Variants in WDPCP observed in about 807,000 individuals in gnomAD.
The protein encoded by WDPCP is WD repeat-containing and planar cell polarity effector protein fritz homolog.
WDPCP carries 71 observed loss-of-function variants against 93.1 expected under a neutral mutation model. The ratio of observed to expected loss-of-function variants is 0.76; its 90% CI spans 0.63 to 0.93. The LOEUF is 0.93. Among genes scored for constraint, WDPCP ranks in the 40% least tolerant of loss-of-function variants. The pLI is 0.00. For missense variants in WDPCP, 844 were observed against 887.4 expected (o/e 0.95, Z 0.62); for synonymous variants, 315 against 315.0 (o/e 1.00, Z 0.00).
At chr2:63,809,135 C>T (rs1363135374) in intron 2 of WDPCP, among the ~76,000 whole-genome samples, 4 of 151,162 alleles carry the variant, frequency 2.6e-5, no homozygotes, top group Non-Finnish European at 5.9e-5. Context: ...GTGAGGAGCC[C>T]CTCCGCCCGG....
At chr2:63,450,192 G>T (rs889910090) in intron 6 of WDPCP, among the ~76,000 whole-genome samples, 4 of 152,192 alleles carry the variant, frequency 2.6e-5, no homozygotes, top group African/African-American at 9.7e-5. Context: ...GGCATAGTCA[G>T]TAAGTGAGCT....
chr2:63,699,938 G>C (rs369768316), intron 2 of WDPCP, among the ~76,000 whole-genome samples: 1 of 152,114 alleles, frequency 6.6e-6, no homozygotes, highest in African/African-American at 2.4e-5. Flanking sequence ...TTGAGCAGGG[G>C]TGTGAGGTTA....
chr2:63,835,741 TAG>T, the WDPCP span, among the ~76,000 whole-genome samples: 1 of 152,182 alleles, frequency 6.6e-6, no homozygotes, highest in Non-Finnish European at 1.5e-5. Flanking sequence ...TCTTTTTCAT[TAG>T]AGAGAAAAAG....
intron 1 of WDPCP, among the ~76,000 whole-genome samples, chr2:63,817,936 A>G (rs541424323): frequency 3.9e-5 from 6 of 152,314 alleles, no homozygotes; most frequent in South Asian, 2.1e-4. Context: ...AAATATTACA[A>G]TTCTTAGTTA....
rs62177967 is a variant in WDPCP at position 63,713,906 on chromosome 2, T to C, written n.309-63068A>G. Among the ~76,000 whole-genome samples, 994 of 152,340 alleles carry C rather than the reference T, an allele frequency of 6.5e-3. 6 individuals carry two copies. The highest frequency in any genetic ancestry group is 0.011 in the Non-Finnish European group (727 of 68,024). On this transcript the variant is annotated intron_variant and non_coding_transcript_variant, in intron 2 of 4. Transcript: ENST00000467687. Reference sequence around the variant, plus strand: ...CAAAAACTTAAGTGGGCTTTGCGGCTAATTTGAGATTCCTTCCCCTGATAT... The same window carrying C: ...CAAAAACTTAAGTGGGCTTTGCGGCCAATTTGAGATTCCTTCCCCTGATAT...
chr2:63,668,872 T>C (rs373624734), intron 2 of WDPCP, among the ~76,000 whole-genome samples: 1 of 152,230 alleles, frequency 6.6e-6, no homozygotes, highest in Non-Finnish European at 1.5e-5. Flanking sequence ...GATTTTGGCA[T>C]ATCACCCATA....
At chr2:63,615,051 G>C (rs1709657570) in intron 3 of WDPCP, among the ~76,000 whole-genome samples, 2 of 152,200 alleles carry the variant, frequency 1.3e-5, no homozygotes, top group East Asian at 3.8e-4. Context: ...GAGGTAGAAA[G>C]ACACTAGCTA....
At chr2:63,434,883 G>A (rs1047415888) in intron 8 of WDPCP, among the ~76,000 whole-genome samples, 5 of 152,088 alleles carry the variant, frequency 3.3e-5, no homozygotes, top group Admixed American at 2.0e-4. Flanking sequence ...TGCAACGGGT[G>A]TTAAGAACCC....
intron 6 of WDPCP, among the ~76,000 whole-genome samples, chr2:63,459,353 G>T (rs1300852181): frequency 2.6e-5 from 4 of 151,584 alleles, no homozygotes; most frequent in Non-Finnish European, 5.9e-5. Context: ...CACATACAAG[G>T]AATTCAGACA....
chr2:63,626,225 C>T lies in WDPCP; in HGVS notation n.488+24434G>A, dbSNP rs187155387. Among the ~76,000 whole-genome samples the T allele has an allele frequency of 2.1e-3, 323 of 152,220 alleles. 1 individual carries two copies. The highest frequency in any genetic ancestry group is 7.0e-3 in the African/African-American group (289 of 41,534). ...AAGACTTAAATGTAAGACCTAAAACCGTAAAAACCCTGGAAGAAAACCTAG... is the reference window on the plus strand; with the variant it reads ...AAGACTTAAATGTAAGACCTAAAACTGTAAAAACCCTGGAAGAAAACCTAG... On this transcript the variant is annotated intron_variant and non_coding_transcript_variant, in intron 3 of 4. Transcript: ENST00000467687.
chr2:63,194,280 A>G (rs536291153), intron 14 of WDPCP, among the ~76,000 whole-genome samples: 5 of 152,214 alleles, frequency 3.3e-5, no homozygotes, highest in East Asian at 1.9e-4. Flanking sequence ...AGGATGTTCA[A>G]TAAGTGTCAG....
At chr2:63,679,648 G>A (rs915775342) in intron 2 of WDPCP, among the ~76,000 whole-genome samples, 2 of 152,126 alleles carry the variant, frequency 1.3e-5, no homozygotes, top group African/African-American at 4.8e-5. Flanking sequence ...CTGACAGCAA[G>A]CTAGGCCAGC....
chr2:63,574,737 G>A (rs1419715975), intron 1 of WDPCP, among the ~76,000 whole-genome samples: 1 of 152,110 alleles, frequency 6.6e-6, no homozygotes, highest in African/African-American at 2.4e-5. Context: ...GAGTGTTTTG[G>A]CTAGCTTGTC....
At chr2:63,310,448 T>A (rs1363007189) in intron 13 of WDPCP, among the ~76,000 whole-genome samples, 6 of 152,042 alleles carry the variant, frequency 3.9e-5, no homozygotes, top group Admixed American at 3.9e-4. Flanking sequence ...TAAGTGATCA[T>A]ACTCTAAACA....
At chr2:63,605,529 C>G (rs1324736738) in intron 3 of WDPCP, 2 of 669,616 alleles carry the variant, frequency 3.0e-6, no homozygotes, top group Non-Finnish European at 5.2e-6. Flanking sequence ...AACAAGTAAA[C>G]TTCGGGGTTT....
intron 6 of WDPCP, among the ~76,000 whole-genome samples, chr2:63,457,080 C>T (rs1358013167): frequency 2.0e-5 from 3 of 152,004 alleles, no homozygotes; most frequent in Non-Finnish European, 4.4e-5. Flanking sequence ...AATGGATAAA[C>T]TACTTGCTAG....
At chr2:63,671,594 C>G (rs1248293764) in intron 2 of WDPCP, among the ~76,000 whole-genome samples, 1 of 152,036 alleles carries the variant, frequency 6.6e-6, no homozygotes, top group Non-Finnish European at 1.5e-5. Flanking sequence ...GTCACCCAGG[C>G]TGGAGTGCAG....
At chr2:63,622,092 G>A in intron 3 of WDPCP, 6 of 394,622 alleles carry the variant, frequency 1.5e-5, no homozygotes, top group South Asian at 6.8e-5. Flanking sequence ...TTTGGAAGTT[G>A]ATTTTTAATG....
At chr2:63,704,137 TG>T (rs1669109645) in intron 2 of WDPCP, among the ~76,000 whole-genome samples, 1 of 152,244 alleles carries the variant, frequency 6.6e-6, no homozygotes, top group African/African-American at 2.4e-5. Flanking sequence ...TTGTGATTTT[TG>T]CACATTGATT....
Sources: allele counts gnomAD v4.1 joint callset (sites outside exome capture counted in the v4.1 genomes callset), GRCh38; gene constraint gnomAD v4.1.1; transcripts MANE v1.5; gene names NCBI Gene and HGNC (gene_info 2026-07-23, HGNC 2026-07-21).